SNTB1: variants seen among roughly 807,000 people sequenced by gnomAD.
SNTB1 encodes syntrophin beta 1.
Under a neutral mutation model 48.9 loss-of-function variants are expected in SNTB1, and 36 were observed. That is an observed-to-expected ratio of 0.74 (90% CI 0.56 to 0.97). SNTB1 has a LOEUF of 0.97. SNTB1 is among the 50% of genes least tolerant of loss of function. SNTB1 has a pLI of 0.00. For synonymous variants in SNTB1, 299 were observed against 294.6 expected (o/e 1.01, Z -0.15); for missense variants, 786 against 703.4 (o/e 1.12, Z -1.33).
chr8:120,695,483 A>G (rs1458376127), intron 1 of SNTB1, among the ~76,000 whole-genome samples: 1 of 152,224 alleles, frequency 6.6e-6, no homozygotes. Flanking sequence ...AGGAGGCTGC[A>G]AAGTCACTAC....
rs1815235494 is a variant in SNTB1, at chr8:120,538,643, T to C, written c.*234A>G. 1.7e-6 allele frequency: 1 copy of C among 593,966 alleles called. No individual in the cohort carries two copies. The allele number at this position is 593,966 out of a possible 1,614,324, so 36.8% of individuals were successfully genotyped here. ...TCCCGTCACCTCACCTCTTTAACCT[T>C]GTACTGTTCTAGAAAGTTTTACTCT... On this transcript the variant is annotated 3_prime_UTR_variant, in exon 7 of 7. Coordinates refer to ENST00000517992, the MANE Select transcript of SNTB1 (RefSeq NM_021021.4).
chr8:120,661,570 G>T (rs1817588322), intron 2 of SNTB1, among the ~76,000 whole-genome samples: 1 of 152,090 alleles, frequency 6.6e-6, no homozygotes, highest in Non-Finnish European at 1.5e-5. Context: ...ATGGTTGTTT[G>T]CTGCACCTAT....
At chr8:120,786,480 G>A (rs1819925619) in intron 1 of SNTB1, among the ~76,000 whole-genome samples, 2 of 152,132 alleles carry the variant, frequency 1.3e-5, no homozygotes, top group African/African-American at 4.8e-5. Flanking sequence ...ACACAGCTGG[G>A]GCTTTTACCA....
intron 3 of SNTB1, among the ~76,000 whole-genome samples, chr8:120,612,457 GA>G (rs1408294307): frequency 2.6e-5 from 4 of 152,190 alleles, no homozygotes; most frequent in African/African-American, 9.7e-5. Flanking sequence ...TTAGGCATCG[GA>G]ATCTCCTGGG....
intron 1 of SNTB1, among the ~76,000 whole-genome samples, chr8:120,730,766 T>C (rs1818837181): frequency 6.6e-6 from 1 of 152,170 alleles, no homozygotes; most frequent in South Asian, 2.1e-4. Flanking sequence ...GATTTGAACC[T>C]TTTAAATAGT....
At chr8:120,565,516 A>T (rs368122290) in intron 4 of SNTB1, among the ~76,000 whole-genome samples, 4 of 152,362 alleles carry the variant, frequency 2.6e-5, no homozygotes, top group African/African-American at 9.6e-5. Context: ...TGTGATGGAC[A>T]CTATGCAGCC....
At chr8:120,704,670 G>C in intron 1 of SNTB1, among the ~76,000 whole-genome samples, 1 of 152,084 alleles carries the variant, frequency 6.6e-6, no homozygotes, top group African/African-American at 2.4e-5. Flanking sequence ...GGTGGCGATG[G>C]CTGAATCTAA....
intron 1 of SNTB1, among the ~76,000 whole-genome samples, chr8:120,701,234 T>C (rs528134428): frequency 5.3e-5 from 8 of 152,286 alleles, no homozygotes; most frequent in African/African-American, 1.4e-4. Flanking sequence ...TCTCAGAAGT[T>C]ATAGCTAATG....
intron 2 of SNTB1, among the ~76,000 whole-genome samples, chr8:120,642,446 C>G (rs1817211472): frequency 6.6e-6 from 1 of 152,156 alleles, no homozygotes; most frequent in African/African-American, 2.4e-5. Flanking sequence ...TTTAAATGTT[C>G]CACAAATTAT....
chr8:120,544,039 C>T (rs1487146499), intron 5 of SNTB1, among the ~76,000 whole-genome samples: 2 of 151,794 alleles, frequency 1.3e-5, no homozygotes, highest in East Asian at 3.9e-4. Context: ...GATCCTTCCG[C>T]CTCAGTCTCC....
At position 120,538,930 on chromosome 8, in the gene SNTB1, T is replaced by C. The variant is rs1411762138; in HGVS notation, c.1564A>G (p.Ile522Val). 2.5e-6 allele frequency: 4 copies of C among 1,613,762 alleles called. No individual in the cohort carries two copies. The highest frequency in any genetic ancestry group is 2.5e-6 in the Non-Finnish European group (3 of 1,179,790). Residue 522 changes from isoleucine (I) to valine (V), a missense_variant, in exon 7 of 7, where the codon ATC becomes GTC. Coordinates refer to ENST00000517992, the MANE Select transcript of SNTB1 (RefSeq NM_021021.4). The part of the protein sequence containing the change: ...LHSCPKPIVF[I>V]IHSFLSAKIT... Reference sequence around the variant, plus strand: ...TTAGCTGACAGGAAGGAATGAATGATGAAAACAATTGGCTTGGGGCAGGAA... The same window carrying C: ...TTAGCTGACAGGAAGGAATGAATGACGAAAACAATTGGCTTGGGGCAGGAA...
At chr8:120,555,964 T>G (rs2130661126) in intron 4 of SNTB1, among the ~76,000 whole-genome samples, 1 of 152,302 alleles carries the variant, frequency 6.6e-6, no homozygotes, top group Admixed American at 6.5e-5. Flanking sequence ...GATCTTGGAC[T>G]TCCAGCCTCC....
At chr8:120,642,808 A>G (rs185712207) in intron 2 of SNTB1, among the ~76,000 whole-genome samples, 201 of 152,290 alleles carry the variant, frequency 1.3e-3, no homozygotes, top group African/African-American at 4.5e-3. Flanking sequence ...GCTACTCAGG[A>G]GGCTGAGGTG....
At chr8:120,790,126 A>G (rs1820003352) in intron 1 of SNTB1, among the ~76,000 whole-genome samples, 1 of 152,110 alleles carries the variant, frequency 6.6e-6, no homozygotes, top group South Asian at 2.1e-4. Context: ...AGAACAATTA[A>G]AAACAAAAGC....
At chr8:120,563,594 GA>G (rs1354852807) in intron 4 of SNTB1, among the ~76,000 whole-genome samples, 1 of 152,024 alleles carries the variant, frequency 6.6e-6, no homozygotes, top group Non-Finnish European at 1.5e-5. Flanking sequence ...TCATCCTCCA[GA>G]AAAATATAAA....
intron 2 of SNTB1, among the ~76,000 whole-genome samples, chr8:120,663,136 A>C (rs901009503): frequency 1.3e-5 from 2 of 152,284 alleles, no homozygotes; most frequent in Middle Eastern, 3.4e-3. Context: ...GCCTAGGTCC[A>C]AGTACTGGCT....
chr8:120,651,336 T>C (rs1029989015), intron 2 of SNTB1, among the ~76,000 whole-genome samples: 2 of 152,190 alleles, frequency 1.3e-5, no homozygotes, highest in Non-Finnish European at 2.9e-5. Flanking sequence ...TTTTGCAAGA[T>C]ACTGAAAGAT....
At chr8:120,673,962 G>A (rs1370698903) in intron 2 of SNTB1, among the ~76,000 whole-genome samples, 2 of 152,052 alleles carry the variant, frequency 1.3e-5, no homozygotes, top group Admixed American at 1.3e-4. Context: ...TGGTTATCGT[G>A]AAAAAAACAA....
At chr8:120,785,724 T>C (rs915452507) in intron 1 of SNTB1, among the ~76,000 whole-genome samples, 5 of 151,984 alleles carry the variant, frequency 3.3e-5, no homozygotes, top group African/African-American at 1.2e-4. Flanking sequence ...GACCCCAGAG[T>C]ACCTACTCTG....
Sources: gnomAD v4.1 joint callset for allele counts (sites outside exome capture counted in the v4.1 genomes callset) on GRCh38, gnomAD v4.1.1 for gene constraint, MANE v1.5 for transcripts, NCBI Gene and HGNC (gene_info 2026-07-23, HGNC 2026-07-21) for gene names.